SPATA13: variants seen among roughly 807,000 people sequenced by gnomAD.
SPATA13 encodes the protein spermatogenesis associated 13.
A neutral mutation model predicts 104.0 loss-of-function variants in SPATA13; 50 were observed. That is an observed-to-expected ratio of 0.48 (90% CI 0.38 to 0.61). SPATA13 has a LOEUF of 0.61. Among genes scored for constraint, SPATA13 ranks in the 20% least tolerant of loss-of-function variants. The pLI is 0.00. For missense variants in SPATA13, 1,524 were observed against 1,690.6 expected (o/e 0.90, Z 1.73); for synonymous variants, 606 against 667.5 (o/e 0.91, Z 1.42).
chr13:24,223,764 A>T lies in SPATA13; in HGVS notation c.835A>T (p.Thr279Ser), dbSNP rs1326018937. Residue 279 changes from threonine to serine, a missense_variant, in exon 2 of 13, where the codon ACG becomes TCG. This residue lies in a region of SPATA13 where 1,089 missense variants were observed against 1,135.9 expected (regional missense o/e 0.96). Coordinates refer to ENST00000382108, the MANE Select transcript of SPATA13 (RefSeq NM_001166271.3). ...KSTSNLADLR[T>S]AHDARVPQRT... ...CACCTCCAATCTTGCAGACCTCAGG[A>T]CGGCCCATGACGCACGGGTACCACA... The T allele has an allele frequency of 5.2e-6, 8 of 1,551,738 alleles. No individual in the cohort carries two copies. The highest frequency in any genetic ancestry group is 6.1e-6 in the Non-Finnish European group (7 of 1,147,026).
At chr13:24,180,379 C>T (rs962881132) in intron 1 of SPATA13, among the ~76,000 whole-genome samples, 1 of 152,204 alleles carries the variant, frequency 6.6e-6, no homozygotes, top group Non-Finnish European at 1.5e-5. Context: ...TAGTACCACA[C>T]TGTCTTGATT....
intron 3 of SPATA13, chr13:24,123,688 C>T (rs1274686933): frequency 1.3e-6 from 2 of 1,582,092 alleles, no homozygotes; most frequent in African/African-American, 2.7e-5. Flanking sequence ...TCGTAAGGGT[C>T]TTCTTGCCAA....
At chr13:24,237,387 A>G (rs1201425735) in intron 2 of SPATA13, among the ~76,000 whole-genome samples, 2 of 152,054 alleles carry the variant, frequency 1.3e-5, no homozygotes, top group African/African-American at 4.8e-5. Context: ...CAAAAAAAAC[A>G]TGCTGCAGCA....
intron 3 of SPATA13, among the ~76,000 whole-genome samples, chr13:24,115,305 G>C (rs1880797491): frequency 6.6e-6 from 1 of 152,152 alleles, no homozygotes; most frequent in African/African-American, 2.4e-5. Flanking sequence ...ATAGCCCCGA[G>C]ACTCAGCAGC....
Position 24,097,823 on chromosome 13 carries a change from A to C in SPATA13, c.-112+80122A>C, listed in dbSNP as rs1258289951. On this transcript the variant is annotated intron_variant, in intron 3 of 14. Transcript: ENST00000424834. ...ACAGCAGCTGGAGATGAAACTGTACAATCCAAACGCAGGCGAGGGCCCCAC... is the reference window on the plus strand; with the variant it reads ...ACAGCAGCTGGAGATGAAACTGTACCATCCAAACGCAGGCGAGGGCCCCAC... Among the ~76,000 whole-genome samples the C allele has an allele frequency of 9.2e-5, 14 of 152,360 alleles. No homozygotes were observed. The East Asian group carries it at 2.7e-3, about 29-fold the overall frequency.
Position 24,223,420 on chromosome 13 carries a change from T to G in SPATA13, c.491T>G (p.Leu164Ter). Reference protein sequence around the residue: ...PGAQASRGSPLAPGPACGALR... With the variant: ...PGAQASRGSP ...GCCCAGGCAAGCAGGGGCTCCCCCT[T>G]AGCACCGGGACCAGCATGTGGTGCC... Residue 164 changes from leucine (L) to a stop codon, truncating the protein, a stop_gained, in exon 2 of 13, where the codon TTA becomes TGA. Transcript: ENST00000382108. LOFTEE classifies it high-confidence loss of function. 1 of 1,551,126 alleles carries G rather than the reference T, an allele frequency of 6.4e-7. No individual in the cohort carries two copies. The highest frequency in any genetic ancestry group is 8.7e-7 in the Non-Finnish European group (1 of 1,146,976).
intron 2 of SPATA13, among the ~76,000 whole-genome samples, chr13:24,227,865 C>T (rs1348765243): frequency 6.6e-6 from 1 of 151,900 alleles, no homozygotes; most frequent in African/African-American, 2.4e-5. Context: ...CCACCACGCC[C>T]GGCCTCAGAA....
chr13:24,019,801 A>G (rs1222427639), intron 3 of SPATA13, among the ~76,000 whole-genome samples: 1 of 152,144 alleles, frequency 6.6e-6, no homozygotes, highest in Non-Finnish European at 1.5e-5. Context: ...GTAGAGAATC[A>G]TTTGGTGTTT....
chr13:23,987,057 G>T (rs1190738814), intron 2 of SPATA13, among the ~76,000 whole-genome samples: 1 of 146,268 alleles, frequency 6.8e-6, no homozygotes, highest in African/African-American at 2.5e-5. Context: ...TCCACATGGG[G>T]CAGGCCTACC....
chr13:24,151,657 T>C (rs4770606), intron 3 of SPATA13, among the ~76,000 whole-genome samples: 70,823 of 151,916 alleles, frequency 0.47, 17,728 homozygotes, highest in Admixed American at 0.59. Context: ...CTGTCCAAGT[T>C]CAAACACCAG....
At chr13:24,151,080 T>A (rs867816744) in intron 3 of SPATA13, among the ~76,000 whole-genome samples, 3 of 152,156 alleles carry the variant, frequency 2.0e-5, no homozygotes, top group African/African-American at 7.2e-5. Context: ...CCTCATAATT[T>A]TACAGATGAT....
intron 3 of SPATA13, among the ~76,000 whole-genome samples, chr13:24,027,888 C>T (rs564733986): frequency 4.6e-5 from 7 of 152,308 alleles, no homozygotes; most frequent in Admixed American, 4.6e-4. Flanking sequence ...CCCCTTTATG[C>T]TCTTTACTCT....
chr13:24,148,172 C>G (rs7988904), intron 3 of SPATA13, among the ~76,000 whole-genome samples: 3,916 of 152,236 alleles, frequency 0.026, 85 homozygotes, highest in African/African-American at 0.059. Flanking sequence ...TCCTGCACAG[C>G]ATTTGCAGTT....
chr13:24,021,725 T>G (rs1876978666), intron 3 of SPATA13, among the ~76,000 whole-genome samples: 1 of 152,086 alleles, frequency 6.6e-6, no homozygotes, highest in Admixed American at 6.5e-5. Context: ...TCTTTTTTTT[T>G]TTTTGAGATG....
intron 2 of SPATA13, among the ~76,000 whole-genome samples, chr13:24,242,941 T>G (rs1165908042): frequency 1.6e-4 from 25 of 152,188 alleles, no homozygotes; most frequent in Admixed American, 1.6e-3. Flanking sequence ...TTAAGGGACA[T>G]TGGGTAATGA....
rs191109209 is a variant in SPATA13, at chr13:24,190,091, A to C, written c.-112+29159A>C. Among the ~76,000 whole-genome samples the C allele has an allele frequency of 3.6e-3, 219 of 61,406 alleles. 97 individuals carry two copies. Among genetic ancestry groups the C allele is most frequent in the East Asian group, 9.5e-3 (14 of 1,474 alleles). 40.3% of individuals were successfully genotyped at this position (61,406 alleles called of 152,430 possible). A position where few individuals can be genotyped will look rare whatever the true frequency, so the allele number is the denominator to read the frequency against. ...CTATATATATTATTATATAACATAT[A>C]ATGATATACAATATATATTATTATA... On this transcript the variant is annotated intron_variant, in intron 1 of 12. Transcript: ENST00000382108.
intron 1 of SPATA13, among the ~76,000 whole-genome samples, chr13:24,168,542 C>T (rs6490877): frequency 0.34 from 51,133 of 151,820 alleles, 8,823 homozygotes; most frequent in East Asian, 0.56. Flanking sequence ...AAAACTCTAC[C>T]GCTGGGGAAA....
At chr13:24,242,033 CAG>C in intron 2 of SPATA13, among the ~76,000 whole-genome samples, 1 of 150,314 alleles carries the variant, frequency 6.7e-6, no homozygotes, top group Non-Finnish European at 1.5e-5. Context: ...ATCTGAATGA[CAG>C]AGTGAGACTG....
chr13:24,267,604 T>C (rs1022794307), intron 4 of SPATA13, among the ~76,000 whole-genome samples: 1 of 152,224 alleles, frequency 6.6e-6, no homozygotes, highest in Non-Finnish European at 1.5e-5. Context: ...TGAAAACTAA[T>C]GATTTTAACC....
Sources: gnomAD v4.1 joint callset for allele counts (sites outside exome capture counted in the v4.1 genomes callset) on GRCh38, gnomAD v4.1.1 for gene constraint, gnomAD v4.1.1 regional missense constraint, MANE v1.5 for transcripts, NCBI Gene and HGNC (gene_info 2026-07-23, HGNC 2026-07-21) for gene names.